The following GNG12 variants were observed in gnomAD, a reference collection of about 807,000 sequenced individuals.
GNG12 encodes the protein G protein subunit gamma 12.
For synonymous variants in GNG12, 28 were observed against 29.7 expected, an observed-to-expected ratio of 0.94 and a Z score of 0.19; for missense variants, 69 against 83.8, an observed-to-expected ratio of 0.82 and a Z score of 0.69.
At chr1:67,797,402 CCAAGTACCACACAAGACCAT>C (rs1208948286) in intron 1 of GNG12, among the ~76,000 whole-genome samples, 2 of 152,166 alleles carry the variant, frequency 1.3e-5, no homozygotes, top group African/African-American at 4.8e-5. Flanking sequence ...AAATGCTTCA[CCAAGTACCACACAAGACCAT>C]TCAGAAGCAA....
rs537269654 is a variant in GNG12 at position 67,753,464 on chromosome 1, C to T, written c.-27+23994G>A. The stretch of plus-strand genomic sequence containing the variant: ...ATTCATGCCCTACAGTGAACATCAC[C>T]CATGACAAGTCCTGCGACTGGAGGA... On this transcript the variant is annotated intron_variant, in intron 2 of 3. Transcript: ENST00000370982. 2.0e-5 allele frequency among the ~76,000 whole-genome samples: 3 copies of T among 152,218 alleles called. No homozygotes were observed. In the East Asian group the frequency reaches 5.8e-4, roughly 29 times the overall value.
chr1:67,703,149 G>T lies in GNG12; in HGVS notation c.*2302C>A, dbSNP rs1329843248. 1 of 151,994 alleles carries T rather than the reference G, an allele frequency of 6.6e-6. No homozygotes were observed. Among genetic ancestry groups the T allele is most frequent in the African/African-American group, 2.4e-5 (1 of 41,304 alleles). The allele number at this position is 151,994 out of a possible 1,614,324, so 9.4% of individuals were successfully genotyped here. ...CAGCATCAAAAGATTTGATATTCAT[G>T]AACATGCCCTACACCTGGTTAGGAA... On this transcript the variant is annotated 3_prime_UTR_variant, in exon 4 of 4. Transcript: ENST00000370982.
intron 1 of GNG12, among the ~76,000 whole-genome samples, chr1:67,810,932 G>T (rs1462453732): frequency 6.6e-6 from 1 of 152,170 alleles, no homozygotes; most frequent in East Asian, 1.9e-4. Context: ...AATACAACAG[G>T]TAGTTAGTGT....
chr1:67,832,163 C>T (rs573757766), intron 1 of GNG12: 7 of 152,378 alleles, frequency 4.6e-5, no homozygotes, highest in African/African-American at 1.7e-4. Flanking sequence ...GGAAGCTAAT[C>T]ATGTGAAGTT....
Position 67,704,309 on chromosome 1 carries a change from C to G in GNG12, c.*1142G>C, listed in dbSNP as rs932619601. 2.6e-5 allele frequency: 4 copies of G among 152,150 alleles called. No individual in the cohort carries two copies. Among genetic ancestry groups the G allele is most frequent in the South Asian group, 4.1e-4 (2 of 4,830 alleles). 9.4% of individuals were successfully genotyped at this position (152,150 alleles called of 1,614,324 possible). ...TCTGAAAAGAGCTTAAGCATCCTGA[C>G]AGCTTGCATTTTTTTTTTAATTTTT... On this transcript the variant is annotated 3_prime_UTR_variant, in exon 4 of 4. Transcript: ENST00000370982.
In GNG12 at chr1:67,794,518, A is replaced by C. The variant is rs996838475; in HGVS notation, c.-76-17011T>G. Among the ~76,000 whole-genome samples the C allele has an allele frequency of 9.8e-5, 15 of 152,314 alleles. 1 individual carries two copies. In the East Asian group the frequency reaches 2.9e-3, roughly 29 times the overall value. On this transcript the variant is annotated intron_variant, in intron 1 of 3. Coordinates refer to ENST00000370982, the MANE Select transcript of GNG12 (RefSeq NM_018841.6). ...ATTTAAAAAACTTAATACAATAAAG[A>C]CGGTGGATCACAGAGATGAAAAGAG...
At chr1:67,733,348 C>A (rs562091956) in intron 2 of GNG12, among the ~76,000 whole-genome samples, 2 of 152,296 alleles carry the variant, frequency 1.3e-5, no homozygotes, top group South Asian at 4.1e-4. Context: ...AAATTTCACT[C>A]TAAAGGGGTA....
At chr1:67,743,725 A>G (rs981491412) in intron 2 of GNG12, among the ~76,000 whole-genome samples, 9 of 152,352 alleles carry the variant, frequency 5.9e-5, no homozygotes, top group Admixed American at 3.3e-4. Context: ...AGGCTGCTGT[A>G]ATGCTTAAGA....
chr1:67,738,256 C>T (rs532739495), intron 2 of GNG12, among the ~76,000 whole-genome samples: 1 of 152,294 alleles, frequency 6.6e-6, no homozygotes, highest in East Asian at 1.9e-4. Flanking sequence ...AAACTACATA[C>T]CAGATTTCAA....
intron 1 of GNG12, among the ~76,000 whole-genome samples, chr1:67,786,973 GTGTGTGTGTGTGTATGTATATA>G (rs1557617384): frequency 7.4e-6 from 1 of 135,990 alleles, no homozygotes; most frequent in Non-Finnish European, 1.6e-5. Flanking sequence ...GTGTGTGTGT[GTGTGTGTGTGTGTATGTATATA>G]TATGTGTATA....
At chr1:67,731,098 ATTTTGT>A (rs1447892280) in intron 2 of GNG12, among the ~76,000 whole-genome samples, 2 of 151,934 alleles carry the variant, frequency 1.3e-5, no homozygotes, top group Admixed American at 6.6e-5. Context: ...ACTTATTCCT[ATTTTGT>A]TTTTATTTTT....
chr1:67,711,567 C>T (rs961908708), intron 2 of GNG12, among the ~76,000 whole-genome samples: 1 of 152,000 alleles, frequency 6.6e-6, no homozygotes, highest in African/African-American at 2.4e-5. Context: ...CAGCAGCCCT[C>T]GGAAGAAGAG....
chr1:67,723,594 G>T (rs1413031500), intron 2 of GNG12, among the ~76,000 whole-genome samples: 1 of 152,130 alleles, frequency 6.6e-6, no homozygotes, highest in Admixed American at 6.5e-5. Context: ...CACTTGCCAA[G>T]CATTGTTCTA....
chr1:67,721,547 T>C (rs1338612437), intron 2 of GNG12, among the ~76,000 whole-genome samples: 1 of 152,038 alleles, frequency 6.6e-6, no homozygotes, highest in Admixed American at 6.5e-5. Flanking sequence ...ATAGAGCTTT[T>C]CAACAGAAGG....
Position 67,807,154 on chromosome 1 carries a change from T to C in GNG12, c.-77+26190A>G, listed in dbSNP as rs1362661110. Reference sequence around the variant, plus strand: ...GAAAGATAACTTGAAAATCTCAAAATACCTAGAGATTAAACAACACACTTC... The same window carrying C: ...GAAAGATAACTTGAAAATCTCAAAACACCTAGAGATTAAACAACACACTTC... On this transcript the variant is annotated intron_variant, in intron 1 of 3. Transcript: ENST00000370982. 5.9e-5 allele frequency among the ~76,000 whole-genome samples: 9 copies of C among 152,180 alleles called. No individual in the cohort carries two copies. The East Asian group carries it at 1.7e-3, about 29-fold the overall frequency.
chr1:67,802,793 C>A (rs1646874180), intron 1 of GNG12, among the ~76,000 whole-genome samples: 1 of 152,034 alleles, frequency 6.6e-6, no homozygotes, highest in South Asian at 2.1e-4. Context: ...GCCCACCACT[C>A]CCTGGTTGGT....
chr1:67,831,449 G>C (rs1647044213), intron 1 of GNG12, among the ~76,000 whole-genome samples: 1 of 152,146 alleles, frequency 6.6e-6, no homozygotes, highest in South Asian at 2.1e-4. Flanking sequence ...GTGAAACACA[G>C]ATTCACATTT....
At position 67,701,799 on chromosome 1, in the gene GNG12, T is replaced by C. The variant is rs1646216846; in HGVS notation, c.*3652A>G. On this transcript the variant is annotated 3_prime_UTR_variant, in exon 4 of 4. Coordinates refer to ENST00000370982, the MANE Select transcript of GNG12 (RefSeq NM_018841.6). ...TTACATGGCTAAAAACAAGACATTA[T>C]TACAGTAACCAAGTCCATAAAACTA... 1 of 152,664 alleles carries C rather than the reference T, an allele frequency of 6.6e-6. No homozygotes were observed. The highest frequency in any genetic ancestry group is 1.5e-5 in the Non-Finnish European group (1 of 68,040). 9.5% of individuals were successfully genotyped at this position (152,664 alleles called of 1,614,324 possible).
At chr1:67,745,864 T>A (rs1002886960) in intron 2 of GNG12, among the ~76,000 whole-genome samples, 1 of 152,222 alleles carries the variant, frequency 6.6e-6, no homozygotes, top group African/African-American at 2.4e-5. Context: ...GAAGCTAAGG[T>A]TTCTGAAAGC....
Sources: gnomAD v4.1 joint callset for allele counts (sites outside exome capture counted in the v4.1 genomes callset) on GRCh38, gnomAD v4.1.1 for gene constraint, MANE v1.5 for transcripts, NCBI Gene and HGNC (gene_info 2026-07-23, HGNC 2026-07-21) for gene names.